Variants in RORA observed in about 807,000 individuals in gnomAD.
RORA encodes the protein nuclear receptor ROR-alpha.
Under a neutral mutation model 69.5 loss-of-function variants are expected in RORA, and 7 were observed. The observed-to-expected ratio is 0.10, with a 90% CI of 0.06 to 0.19. The LOEUF is 0.19. Ranked by LOEUF, RORA falls within the 10% of genes least tolerant of loss-of-function variation. RORA has a pLI of 1.00. For synonymous variants in RORA, 261 were observed against 240.8 expected, an observed-to-expected ratio of 1.08 and a Z score of -0.78; for missense variants, 457 against 663.0, an observed-to-expected ratio of 0.69 and a Z score of 3.41.
At chr15:60,841,397 C>T (rs1178054225) in intron 1 of RORA, among the ~76,000 whole-genome samples, 1 of 152,204 alleles carries the variant, frequency 6.6e-6, no homozygotes, top group Non-Finnish European at 1.5e-5. Flanking sequence ...ACCAGCAGCT[C>T]GCCTGGCAGT....
At chr15:60,498,058 C>G (rs887673827) in intron 10 of RORA, among the ~76,000 whole-genome samples, 1 of 151,630 alleles carries the variant, frequency 6.6e-6, no homozygotes, top group South Asian at 2.1e-4. Context: ...GACTCTGTCT[C>G]TTAAAAAAAA....
At chr15:60,917,749 T>C (rs1190994408) in intron 1 of RORA, among the ~76,000 whole-genome samples, 2 of 152,274 alleles carry the variant, frequency 1.3e-5, no homozygotes, top group Non-Finnish European at 2.9e-5. Context: ...TAAGTTTCTT[T>C]GCGTGTAATC....
At chr15:60,630,369 T>A (rs1043036244) in intron 2 of RORA, 2 of 151,640 alleles carry the variant, frequency 1.3e-5, no homozygotes, top group African/African-American at 4.9e-5. Flanking sequence ...ACAGAAAGAG[T>A]GGTGTGTCTT....
At chr15:60,714,014 G>A (rs1484204418) in intron 1 of RORA, among the ~76,000 whole-genome samples, 1 of 151,636 alleles carries the variant, frequency 6.6e-6, no homozygotes, top group Non-Finnish European at 1.5e-5. Flanking sequence ...AAATCCAGAA[G>A]AAATTGAATT....
chr15:60,665,683 C>T (rs1034392520), intron 2 of RORA, among the ~76,000 whole-genome samples: 1 of 151,870 alleles, frequency 6.6e-6, no homozygotes, highest in Non-Finnish European at 1.5e-5. Flanking sequence ...TAATAAATAC[C>T]TATTCTTTCT....
chr15:60,558,390 G>T, intron 2 of RORA: 1 of 815,400 alleles, frequency 1.2e-6, no homozygotes. Context: ...TTACAAAACA[G>T]GAACATCTCA....
At chr15:60,957,034 G>T (rs1232157941) in intron 1 of RORA, among the ~76,000 whole-genome samples, 2 of 152,200 alleles carry the variant, frequency 1.3e-5, no homozygotes, top group African/African-American at 4.8e-5. Flanking sequence ...GAGCTGAAGG[G>T]AAGGCACTAG....
chr15:61,033,774 T>C (rs1195627466), intron 1 of RORA, among the ~76,000 whole-genome samples: 1 of 152,034 alleles, frequency 6.6e-6, no homozygotes. Context: ...GGATGTAAAA[T>C]ATCTTATCAA....
chr15:61,095,188 C>A (rs2078771150), intron 1 of RORA, among the ~76,000 whole-genome samples: 1 of 152,106 alleles, frequency 6.6e-6, no homozygotes, highest in Non-Finnish European at 1.5e-5. Flanking sequence ...GTTCTGGAGG[C>A]TGAGCTGGCT....
chr15:60,974,460 T>C (rs376273096), intron 1 of RORA, among the ~76,000 whole-genome samples: 2 of 151,754 alleles, frequency 1.3e-5, no homozygotes, highest in East Asian at 3.9e-4. Flanking sequence ...CAGGTAGTTC[T>C]GAGGAGCAAA....
intron 1 of RORA, among the ~76,000 whole-genome samples, chr15:61,027,122 A>C (rs1336307679): frequency 6.6e-6 from 1 of 152,146 alleles, no homozygotes; most frequent in Non-Finnish European, 1.5e-5. Flanking sequence ...CTTCTAATGG[A>C]ATATGAGCCC....
At chr15:60,733,390 A>G (rs182647470) in intron 1 of RORA, among the ~76,000 whole-genome samples, 2 of 152,358 alleles carry the variant, frequency 1.3e-5, no homozygotes, top group East Asian at 3.9e-4. Flanking sequence ...TCCCCAGGGC[A>G]TGCAGTTTTT....
At chr15:60,672,093 A>T (rs1425288) in intron 2 of RORA, among the ~76,000 whole-genome samples, 87,537 of 151,984 alleles carry the variant, frequency 0.58, 26,395 homozygotes, top group East Asian at 0.73. Flanking sequence ...TCTAAAAAAA[A>T]TAATAAAGTA....
At chr15:60,922,780 T>C (rs1178802909) in intron 1 of RORA, among the ~76,000 whole-genome samples, 2 of 152,324 alleles carry the variant, frequency 1.3e-5, no homozygotes, top group East Asian at 1.9e-4. Flanking sequence ...AGAGTTTCTG[T>C]CTGTAACACT....
At chr15:60,644,404 G>A (rs1013084208) in intron 2 of RORA, among the ~76,000 whole-genome samples, 1 of 152,186 alleles carries the variant, frequency 6.6e-6, no homozygotes, top group Non-Finnish European at 1.5e-5. Flanking sequence ...TTGGGGGGCT[G>A]ACGGCCCCAG....
At chr15:60,592,992 A>T (rs932460127) in intron 2 of RORA, 3 of 453,424 alleles carry the variant, frequency 6.6e-6, no homozygotes, top group African/African-American at 2.0e-5. Flanking sequence ...TGGTCTGGGG[A>T]GCTACGGTCA....
intron 1 of RORA, among the ~76,000 whole-genome samples, chr15:60,996,082 T>C (rs1894525843): frequency 7.1e-6 from 1 of 140,684 alleles, no homozygotes; most frequent in African/African-American, 2.5e-5. Flanking sequence ...TTTTTTTTTT[T>C]TTTTTTGAGA....
chr15:61,109,858 G>A (rs1458513795), intron 1 of RORA, among the ~76,000 whole-genome samples: 1 of 152,138 alleles, frequency 6.6e-6, no homozygotes, highest in Non-Finnish European at 1.5e-5. Flanking sequence ...CAATAACAGT[G>A]CCTATGGCAT....
intron 1 of RORA, among the ~76,000 whole-genome samples, chr15:61,059,562 T>C (rs1254599983): frequency 6.6e-6 from 1 of 152,218 alleles, no homozygotes; most frequent in Non-Finnish European, 1.5e-5. Context: ...CCTTGCTCCA[T>C]ACAAAATCTG....
Sources: gnomAD v4.1 joint callset for allele counts (sites outside exome capture counted in the v4.1 genomes callset) on GRCh38, gnomAD v4.1.1 for gene constraint, MANE v1.5 for transcripts, NCBI Gene and HGNC (gene_info 2026-07-23, HGNC 2026-07-21) for gene names.